The following BEST3 variants were observed in gnomAD, a reference collection of about 807,000 sequenced individuals.
The protein encoded by BEST3 is bestrophin-3.
BEST3 carries 50 observed loss-of-function variants against 47.1 expected under a neutral mutation model. The observed-to-expected ratio is 1.06, with a 90% CI of 0.85 to 1.34. The LOEUF (loss-of-function observed/expected upper bound fraction) is 1.34. BEST3 is among the 40% of genes most tolerant of loss of function. The probability of loss-of-function intolerance (pLI) is 0.00; values close to 1 mark genes in which losing one functional copy is unlikely to be tolerated. For synonymous variants in BEST3, 282 were observed against 298.8 expected, an observed-to-expected ratio of 0.94 and a Z score of 0.58; for missense variants, 765 against 817.0, an observed-to-expected ratio of 0.94 and a Z score of 0.78.
Position 69,654,279 on chromosome 12 carries a change from A to G in BEST3, c.*628T>C. 2 of 984,996 alleles carry G rather than the reference A, an allele frequency of 2.0e-6. No individual in the cohort carries two copies. The highest frequency in any genetic ancestry group is 2.4e-6 in the Non-Finnish European group (2 of 829,484). 61.0% of individuals were successfully genotyped at this position (984,996 alleles called of 1,614,324 possible). On this transcript the variant is annotated 3_prime_UTR_variant, in exon 10 of 10. Transcript: ENST00000330891. ...GAAGGGAAGGGAAAAAAAGGATGAC[A>G]GAATAAAAGGAAAAGAGAGAAAAGT...
intron 4 of BEST3, among the ~76,000 whole-genome samples, chr12:69,691,598 T>A (rs1885926477): frequency 6.6e-6 from 1 of 152,068 alleles, no homozygotes; most frequent in Non-Finnish European, 1.5e-5. Context: ...ATTGAGACCA[T>A]CCTGCCAACA....
At position 69,654,226 on chromosome 12, in the gene BEST3, A is replaced by T. The variant is rs962702284; in HGVS notation, c.*681T>A. ...TATTATAACCTGAAAAATGGGACAG[A>T]TTACTAGAAAAGCAGCACAACCAGG... On this transcript the variant is annotated 3_prime_UTR_variant, in exon 10 of 10. Coordinates refer to ENST00000330891, the MANE Select transcript of BEST3 (RefSeq NM_032735.3). The T allele has an allele frequency of 1.0e-6, 1 of 985,174 alleles. No homozygotes were observed. The highest frequency in any genetic ancestry group is 4.7e-5 in the South Asian group (1 of 21,264). 61.0% of individuals were successfully genotyped at this position (985,174 alleles called of 1,614,324 possible). A position where few individuals can be genotyped will look rare whatever the true frequency, so the allele number is the denominator to read the frequency against.
At position 69,693,853 on chromosome 12, in the gene BEST3, G is replaced by A; in HGVS notation, c.302C>T (p.Pro101Leu). ...GAGGAACATTAGCCTGTCTGGCCAG[G>A]GCAAATTCACAAACTGGTTCCACCA... The part of the protein sequence containing the change: ...NRWWNQFVNL[P>L]WPDRLMFLIS... The change falls in exon 4 of 10, where the codon CCC (proline) becomes CTC (leucine). Residue 101 changes from proline (P) to leucine (L), a missense_variant. Physicochemically the swap from Pro to Leu is moderately conservative, Grantham distance 98 (BLOSUM62 -3). Transcript: ENST00000330891. 6.2e-7 allele frequency: 1 copy of A among 1,613,738 alleles called. No individual in the cohort carries two copies. The highest frequency in any genetic ancestry group is 8.5e-7 in the Non-Finnish European group (1 of 1,179,880).
chr12:69,693,948 A>G (rs1404563890), intron 3 of BEST3, 41 bp from the exon 4 acceptor site: 1 of 1,465,110 alleles, frequency 6.8e-7, no homozygotes, highest in Non-Finnish European at 9.4e-7. Flanking sequence ...TTCTTACAGC[A>G]GACACGTTGG....
intron 9 of BEST3, among the ~76,000 whole-genome samples, chr12:69,663,924 C>T (rs899775159): frequency 6.6e-6 from 1 of 152,210 alleles, no homozygotes; most frequent in Non-Finnish European, 1.5e-5. Context: ...ACAGAGTCAA[C>T]TGAAGGGATC....
intron 9 of BEST3, among the ~76,000 whole-genome samples, chr12:69,667,438 C>T (rs1884294430): frequency 6.6e-6 from 1 of 152,154 alleles, no homozygotes; most frequent in Middle Eastern, 3.2e-3. Flanking sequence ...GCTGGGATTA[C>T]AGGCTGTGCC....
At chr12:69,653,177 A>G (rs1030449506), downstream of BEST3, among the ~76,000 whole-genome samples, 3 of 152,208 alleles carry the variant, frequency 2.0e-5, no homozygotes, top group African/African-American at 4.8e-5. Context: ...CTGTCATGAA[A>G]AATGAAGAGG....
rs191828272 is a variant in BEST3 at position 69,654,557 on chromosome 12, A to G, written c.*350T>C. The G allele has an allele frequency of 3.9e-6, 4 of 1,014,514 alleles. No individual in the cohort carries two copies. The East Asian group carries it at 3.7e-4, about 94-fold the overall frequency. The allele number at this position is 1,014,514 out of a possible 1,614,324, so 62.8% of individuals were successfully genotyped here. On this transcript the variant is annotated 3_prime_UTR_variant, in exon 10 of 10. Transcript: ENST00000330891. ...GTGTCTGGGCCTTTGGGTCTAGGGG[A>G]TTGGACTATGATCTATGAGACTCTT...
chr12:69,681,343 G>A (rs990376094), intron 4 of BEST3, among the ~76,000 whole-genome samples: 2 of 152,160 alleles, frequency 1.3e-5, no homozygotes, highest in African/African-American at 2.4e-5. Context: ...TTTGCCGGGT[G>A]CAGTGGCTCA....
chr12:69,643,786 T>C lies in BEST3; in HGVS notation c.1102A>G (p.Lys368Glu), dbSNP rs74102932. 0.011 allele frequency: 7,878 copies of C among 714,674 alleles called. 423 individuals carry two copies. In the African/African-American group the frequency reaches 0.12, roughly 11 times the overall value. 44.3% of individuals were successfully genotyped at this position (714,674 alleles called of 1,614,324 possible). The change falls in exon 10 of 10, where the codon AAA (lysine) becomes GAA (glutamate). Residue 368 changes from lysine (K) to glutamate (E), a missense_variant and splice_region_variant. Transcript: ENST00000331471. ...TTCCACTCATTCTTAGGCATCTGTT[T>C]CCTGGGGAGAAGGGGAGAAGGGAGA...
intron 4 of BEST3, chr12:69,689,228 A>G: frequency 1.0e-6 from 1 of 985,550 alleles, no homozygotes; most frequent in Middle Eastern, 5.2e-4. Context: ...CCCAGTTGGA[A>G]GAACTTGGAA....
At chr12:69,647,913 C>T (rs1883089782) in intron 9 of BEST3, among the ~76,000 whole-genome samples, 1 of 152,094 alleles carries the variant, frequency 6.6e-6, no homozygotes, top group African/African-American at 2.4e-5. Flanking sequence ...AAGAAAAGTA[C>T]AGAAACTCCA....
chr12:69,658,025 C>T (rs1192635165), intron 9 of BEST3, among the ~76,000 whole-genome samples: 1 of 152,134 alleles, frequency 6.6e-6, no homozygotes, highest in Non-Finnish European at 1.5e-5. Context: ...ACTCCACAGG[C>T]ACCCATTTAG....
chr12:69,645,736 G>C (rs929120758), intron 9 of BEST3, among the ~76,000 whole-genome samples: 4 of 152,210 alleles, frequency 2.6e-5, no homozygotes, highest in African/African-American at 9.6e-5. Context: ...TGTAGCTGTC[G>C]TGAGGACCGA....
At chr12:69,646,003 C>T (rs187111860) in intron 9 of BEST3, among the ~76,000 whole-genome samples, 22 of 152,298 alleles carry the variant, frequency 1.4e-4, no homozygotes. Flanking sequence ...GTGGCATGAT[C>T]TCGGCTCACT....
At chr12:69,662,240 G>T (rs1401565394) in intron 9 of BEST3, among the ~76,000 whole-genome samples, 1 of 152,108 alleles carries the variant, frequency 6.6e-6, no homozygotes, top group African/African-American at 2.4e-5. Context: ...AATGTTCCCA[G>T]AATACACTTT....
At chr12:69,670,684 G>A (rs1294029030) in intron 9 of BEST3, 2 of 577,072 alleles carry the variant, frequency 3.5e-6, no homozygotes, top group African/African-American at 3.6e-5. Flanking sequence ...GCTTACAGCA[G>A]GCCTCAGGGA....
intron 4 of BEST3, among the ~76,000 whole-genome samples, chr12:69,686,604 TCTA>T (rs1159545925): frequency 1.3e-5 from 2 of 151,500 alleles, no homozygotes; most frequent in Non-Finnish European, 2.9e-5. Context: ...AAACCCTGTC[TCTA>T]CTAAAAATAC....
intron 8 of BEST3, 104 bp downstream of exon 8, chr12:69,672,780 TA>T: frequency 1.3e-6 from 1 of 788,284 alleles, no homozygotes; most frequent in Non-Finnish European, 2.0e-6. Flanking sequence ...CATTTGTGGC[TA>T]AAGCTCTGAA....
Sources: allele counts gnomAD v4.1 joint callset (sites outside exome capture counted in the v4.1 genomes callset), GRCh38; gene constraint gnomAD v4.1.1; transcripts MANE v1.5; gene names NCBI Gene and HGNC (gene_info 2026-07-23, HGNC 2026-07-21).